USP49: variants seen among roughly 807,000 people sequenced by gnomAD.
The protein encoded by USP49 is ubiquitin carboxyl-terminal hydrolase 49.
In USP49, 24 loss-of-function variants were observed where a neutral mutation model predicts 58.6. The ratio of observed to expected loss-of-function variants is 0.41; its 90% CI spans 0.30 to 0.58. USP49 has a LOEUF of 0.58. Among genes scored for constraint, USP49 ranks in the 20% least tolerant of loss-of-function variants. The pLI is 0.30. For synonymous variants in USP49, 408 were observed against 365.1 expected (o/e 1.12, Z -1.34); for missense variants, 703 against 866.1 (o/e 0.81, Z 2.36).
intron 3 of USP49, among the ~76,000 whole-genome samples, chr6:41,808,969 G>A (rs1040129880): frequency 6.6e-6 from 1 of 151,480 alleles, no homozygotes; most frequent in Non-Finnish European, 1.5e-5. Flanking sequence ...CCTGGAGTGC[G>A]GTGGTGTGAT....
At position 41,798,746 on chromosome 6, in the gene USP49, G is replaced by T. The variant is rs752499225; in HGVS notation, c.1854C>A (p.Ala618=). 1 of 1,614,018 alleles carries T rather than the reference G, an allele frequency of 6.2e-7. No individual in the cohort carries two copies. The highest frequency in any genetic ancestry group is 8.5e-7 in the Non-Finnish European group (1 of 1,180,008). Reference sequence around the variant, plus strand: ...CACCTCCCTCTGTGTTGTAGCAATAGGCTGTGTAGTGTCCTGAGCCAAACC... The same window carrying T: ...CACCTCCCTCTGTGTTGTAGCAATATGCTGTGTAGTGTCCTGAGCCAAACC... The part of the protein sequence containing the change: ...GKGFGSGHYT[A]YCYNTEGGFW... The change falls in exon 7 of 8, where the codon GCC becomes GCA. Residue 618 remains alanine, a synonymous_variant. Coordinates refer to ENST00000682992, the MANE Select transcript of USP49 (RefSeq NM_001286554.2).
At chr6:41,890,391 AC>A (rs1323923352) in intron 2 of USP49, among the ~76,000 whole-genome samples, 7 of 151,380 alleles carry the variant, frequency 4.6e-5, no homozygotes, top group African/African-American at 1.5e-4. Flanking sequence ...AAAAAAAAAA[AC>A]GAGTGGATCA....
intron 3 of USP49, among the ~76,000 whole-genome samples, chr6:41,838,116 G>T (rs1013203193): frequency 2.0e-5 from 3 of 152,108 alleles, no homozygotes; most frequent in Non-Finnish European, 1.5e-5. Flanking sequence ...ATACCCAAAG[G>T]AATATAAATC....
chr6:41,829,350 T>C (rs1246942184), intron 3 of USP49, among the ~76,000 whole-genome samples: 2 of 152,098 alleles, frequency 1.3e-5, no homozygotes, highest in Non-Finnish European at 2.9e-5. Flanking sequence ...GTTTCGCGCT[T>C]GTTGCCCAGG....
At chr6:41,824,814 G>GT (rs1773511702) in intron 3 of USP49, among the ~76,000 whole-genome samples, 1 of 152,202 alleles carries the variant, frequency 6.6e-6, no homozygotes, top group South Asian at 2.1e-4. Flanking sequence ...TCCCGTGGGG[G>GT]TATGCCCATT....
intron 1 of USP49, among the ~76,000 whole-genome samples, chr6:41,892,318 C>T (rs1375467607): frequency 6.6e-6 from 1 of 152,162 alleles, no homozygotes; most frequent in Non-Finnish European, 1.5e-5. Context: ...CAATACCATA[C>T]AGAGTACGTC....
chr6:41,842,878 A>T (rs1773851121), intron 3 of USP49, among the ~76,000 whole-genome samples: 2 of 149,656 alleles, frequency 1.3e-5, no homozygotes, highest in Non-Finnish European at 3.0e-5. Context: ...ACTATATATT[A>T]TATATAAATA....
At chr6:41,799,792 C>T in intron 6 of USP49, 38 bp downstream of exon 6, 2 of 1,579,158 alleles carry the variant, frequency 1.3e-6, no homozygotes, top group South Asian at 2.2e-5. Flanking sequence ...GCTATTCCCA[C>T]AGCTCTCACC....
At position 41,825,415 on chromosome 6, in the gene USP49, C is replaced by T. The variant is rs1773520778; in HGVS notation, c.-28-18404G>A. Among the ~76,000 whole-genome samples the T allele has an allele frequency of 2.0e-5, 3 of 149,148 alleles. No individual in the cohort carries two copies. The Admixed American group carries it at 2.0e-4, about 10-fold the overall frequency. On this transcript the variant is annotated intron_variant, in intron 3 of 7. Transcript: ENST00000682992. ...TTCCGAGCCTTAAGGTTGTAATGGA[C>T]ACCAACAAGAGAGGTCACTTAAAAG...
At chr6:41,887,088 A>G (rs1457241150) in intron 2 of USP49, among the ~76,000 whole-genome samples, 1 of 152,230 alleles carries the variant, frequency 6.6e-6, no homozygotes, top group East Asian at 1.9e-4. Context: ...TTCCCATGTC[A>G]GAGACTGAAA....
chr6:41,854,225 G>A (rs1217950190), intron 3 of USP49, among the ~76,000 whole-genome samples: 1 of 150,084 alleles, frequency 6.7e-6, no homozygotes, highest in Admixed American at 6.7e-5. Context: ...GCTGAGGCAG[G>A]AGAATCTCTT....
rs375558993 is a variant in USP49, at chr6:41,798,715, C to T, written c.1876+9G>A. 22 of 1,613,902 alleles carry T rather than the reference C, an allele frequency of 1.4e-5. No individual in the cohort carries two copies. In the African/African-American group the frequency reaches 1.5e-4, roughly 11 times the overall value. ...GTGTCCCCCACCCCACAGAGTAAAG[C>T]GCACGCACCTCCCTCTGTGTTGTAG... On this transcript the variant is annotated intron_variant, in intron 7 of 7. Transcript: ENST00000682992.
intron 2 of USP49, among the ~76,000 whole-genome samples, chr6:41,884,630 G>C (rs958075465): frequency 8.5e-5 from 13 of 152,122 alleles, no homozygotes; most frequent in Admixed American, 7.2e-4. Flanking sequence ...CCAAATTATG[G>C]GAGTAGGAAG....
intron 7 of USP49, chr6:41,798,280 T>G (rs187341435): frequency 9.6e-4 from 169 of 176,620 alleles, no homozygotes; most frequent in African/African-American, 3.8e-3. Context: ...ATAATTCTTT[T>G]TATTTTTTTT....
At chr6:41,831,580 CAAAA>C (rs57125790) in intron 3 of USP49, among the ~76,000 whole-genome samples, 45 of 114,266 alleles carry the variant, frequency 3.9e-4, no homozygotes, top group Admixed American at 6.0e-4. Flanking sequence ...AACTCCATCT[CAAAA>C]AAAAAAAAAA....
chr6:41,877,855 C>T lies in USP49; in HGVS notation c.-102-6218G>A, dbSNP rs140486464. Among the ~76,000 whole-genome samples, 815 of 152,320 alleles carry T rather than the reference C, an allele frequency of 5.4e-3. 2 individuals carry two copies. The highest frequency in any genetic ancestry group is 0.02 in the Middle Eastern group (6 of 294). ...GGATTATAGGCGTGGGCCACCACCACGCTGGGCTGAGGACCCCATTTTTTA... is the reference window on the plus strand; with the variant it reads ...GGATTATAGGCGTGGGCCACCACCATGCTGGGCTGAGGACCCCATTTTTTA... On this transcript the variant is annotated intron_variant, in intron 2 of 7. Transcript: ENST00000682992.
At chr6:41,804,592 C>A (rs947381875) in intron 4 of USP49, among the ~76,000 whole-genome samples, 17 of 152,184 alleles carry the variant, frequency 1.1e-4, no homozygotes, top group Admixed American at 9.8e-4. Context: ...AAATACTCCC[C>A]CTTTTACATG....
intron 2 of USP49, chr6:41,887,239 T>C (rs1015518943): frequency 6.6e-6 from 1 of 152,202 alleles, no homozygotes; most frequent in Non-Finnish European, 1.5e-5. Flanking sequence ...CTTGGATAGA[T>C]ACAAGCATCA....
intron 3 of USP49, among the ~76,000 whole-genome samples, chr6:41,862,308 A>G (rs1163543735): frequency 6.6e-6 from 1 of 152,248 alleles, no homozygotes; most frequent in Non-Finnish European, 1.5e-5. Flanking sequence ...GTAGTATTTG[A>G]GAATGCATTT....
Sources: gnomAD v4.1 joint callset for allele counts (sites outside exome capture counted in the v4.1 genomes callset) on GRCh38, gnomAD v4.1.1 for gene constraint, MANE v1.5 for transcripts, NCBI Gene and HGNC (gene_info 2026-07-23, HGNC 2026-07-21) for gene names.